The following OSBPL8 variants were observed in gnomAD, a reference collection of about 807,000 sequenced individuals.
OSBPL8 encodes oxysterol binding protein like 8.
A neutral mutation model predicts 125.5 loss-of-function variants in OSBPL8; 59 were observed. The observed-to-expected ratio is 0.47, with a 90% CI of 0.38 to 0.58. The LOEUF (loss-of-function observed/expected upper bound fraction) is 0.58, where lower values mean the gene tolerates loss of function less well. OSBPL8 is among the 20% of genes least tolerant of loss of function. OSBPL8 has a pLI of 0.00. For missense variants in OSBPL8, 758 were observed against 1,047.8 expected (o/e 0.72, Z 3.82); for synonymous variants, 330 against 338.9 (o/e 0.97, Z 0.29).
At chr12:76,532,694 C>T (rs182349711) in intron 1 of OSBPL8, among the ~76,000 whole-genome samples, 3 of 151,756 alleles carry the variant, frequency 2.0e-5, no homozygotes, top group African/African-American at 2.4e-5. Flanking sequence ...GTACTCCACG[C>T]TCTCCTAGCA....
intron 15 of OSBPL8, among the ~76,000 whole-genome samples, chr12:76,379,319 C>A (rs1323011565): frequency 6.6e-6 from 1 of 152,064 alleles, no homozygotes; most frequent in East Asian, 1.9e-4. Flanking sequence ...CGATAAAATA[C>A]TATGGTAATT....
At chr12:76,391,616 A>T (rs1953560966) in intron 10 of OSBPL8, among the ~76,000 whole-genome samples, 1 of 152,188 alleles carries the variant, frequency 6.6e-6, no homozygotes, top group South Asian at 2.1e-4. Flanking sequence ...CCAGCCAGCC[A>T]GCCCAGTGTG....
intron 1 of OSBPL8, among the ~76,000 whole-genome samples, chr12:76,518,196 T>C (rs1002916646): frequency 1.3e-5 from 2 of 152,206 alleles, no homozygotes; most frequent in Admixed American, 6.5e-5. Flanking sequence ...ACAAGATACA[T>C]TGGTGGTTCA....
intron 2 of OSBPL8, among the ~76,000 whole-genome samples, chr12:76,478,907 A>G (rs1877132455): frequency 6.6e-6 from 1 of 152,088 alleles, no homozygotes; most frequent in Non-Finnish European, 1.5e-5. Flanking sequence ...AACAGGGTGA[A>G]ACTCCGTCTC....
intron 1 of OSBPL8, among the ~76,000 whole-genome samples, chr12:76,521,489 G>A (rs1485279498): frequency 6.6e-6 from 1 of 152,096 alleles, no homozygotes; most frequent in Non-Finnish European, 1.5e-5. Context: ...GTCTTGAAGA[G>A]ACATTTGTAC....
At chr12:76,527,172 C>A (rs992844328) in intron 1 of OSBPL8, among the ~76,000 whole-genome samples, 2 of 149,506 alleles carry the variant, frequency 1.3e-5, no homozygotes, top group South Asian at 4.3e-4. Context: ...GTAAGGTATA[C>A]GGTACCACCT....
At chr12:76,423,064 C>T (rs1265821718) in intron 4 of OSBPL8, 1 of 154,122 alleles carries the variant, frequency 6.5e-6, no homozygotes, top group Non-Finnish European at 1.4e-5. Context: ...CATTATGTTT[C>T]TGTACTATCC....
intron 4 of OSBPL8, among the ~76,000 whole-genome samples, chr12:76,417,799 G>C (rs1208613854): frequency 6.6e-6 from 1 of 151,976 alleles, no homozygotes; most frequent in African/African-American, 2.4e-5. Flanking sequence ...ACATTAGTTT[G>C]TATCGGATCA....
At position 76,492,384 on chromosome 12, in the gene OSBPL8, A is replaced by G. The variant is rs140438439; in HGVS notation, c.-67-4766T>C. On this transcript the variant is annotated intron_variant, in intron 1 of 23. Coordinates refer to ENST00000261183, the MANE Select transcript of OSBPL8 (RefSeq NM_020841.5). ...GCAGAAAATGTTTCCCCACAGAGGTAAGGAAACAAAGTATAAGTAGATCAT... is the reference window on the plus strand; with the variant it reads ...GCAGAAAATGTTTCCCCACAGAGGTGAGGAAACAAAGTATAAGTAGATCAT... 2.2e-3 allele frequency among the ~76,000 whole-genome samples: 333 copies of G among 152,332 alleles called. 3 individuals carry two copies. The highest frequency in any genetic ancestry group is 7.4e-3 in the African/African-American group (308 of 41,574).
intron 1 of OSBPL8, among the ~76,000 whole-genome samples, chr12:76,530,121 A>G (rs1042535294): frequency 3.3e-5 from 5 of 151,928 alleles, no homozygotes; most frequent in African/African-American, 1.2e-4. Context: ...TGGCAAGATC[A>G]TAGTTCACTA....
At chr12:76,396,855 A>C (rs190377104) in intron 8 of OSBPL8, among the ~76,000 whole-genome samples, 1 of 152,176 alleles carries the variant, frequency 6.6e-6, no homozygotes, top group East Asian at 1.9e-4. Flanking sequence ...TCTGTTGCCC[A>C]GGCTGAAGTG....
At position 76,535,878 on chromosome 12, in the gene OSBPL8, AG is replaced by A. The variant is rs1382462955; in HGVS notation, c.-68+23518del. 5.9e-5 allele frequency among the ~76,000 whole-genome samples: 9 copies of A among 152,310 alleles called. No individual in the cohort carries two copies. In the East Asian group the frequency reaches 1.5e-3, roughly 26 times the overall value. ...GTCATTGTCTGACATAGAGTAGGAAAGGGAAAGATTAAGTTCAAAGGGCACA... is the reference window on the plus strand; with the variant it reads ...GTCATTGTCTGACATAGAGTAGGAAAGGAAAGATTAAGTTCAAAGGGCACA... On this transcript the variant is annotated intron_variant, in intron 1 of 23. Coordinates refer to ENST00000261183, the MANE Select transcript of OSBPL8 (RefSeq NM_020841.5).
chr12:76,529,771 T>C (rs908766640), intron 1 of OSBPL8, among the ~76,000 whole-genome samples: 3 of 152,186 alleles, frequency 2.0e-5, no homozygotes, highest in Non-Finnish European at 4.4e-5. Flanking sequence ...CTGGATTTTA[T>C]TCACTGTGAA....
At chr12:76,388,971 C>T (rs1385432323) in intron 12 of OSBPL8, among the ~76,000 whole-genome samples, 9 of 152,098 alleles carry the variant, frequency 5.9e-5, no homozygotes, top group Non-Finnish European at 1.3e-4. Context: ...AGCACAGTGC[C>T]TTGAAACACC....
At chr12:76,509,284 T>G (rs1880739969) in intron 1 of OSBPL8, among the ~76,000 whole-genome samples, 1 of 152,178 alleles carries the variant, frequency 6.6e-6, no homozygotes, top group Admixed American at 6.5e-5. Flanking sequence ...TATTAATAAG[T>G]ACACTCTCTG....
chr12:76,431,922 A>G (rs2140488), intron 4 of OSBPL8, among the ~76,000 whole-genome samples: 1 of 152,174 alleles, frequency 6.6e-6, no homozygotes. Context: ...ACAGCAGAAG[A>G]ATACATGTTC....
chr12:76,360,318 A>G (rs1055944560), intron 21 of OSBPL8, among the ~76,000 whole-genome samples: 1 of 152,194 alleles, frequency 6.6e-6, no homozygotes, highest in Non-Finnish European at 1.5e-5. Flanking sequence ...CTCCAAAATG[A>G]TCTCCTTTGA....
chr12:76,533,106 CAA>C (rs1459911232), intron 1 of OSBPL8, among the ~76,000 whole-genome samples: 1 of 152,022 alleles, frequency 6.6e-6, no homozygotes. Context: ...AATGAATTTA[CAA>C]AAGTAAAATC....
chr12:76,393,546 T>C (rs1019256682), intron 9 of OSBPL8, among the ~76,000 whole-genome samples: 10 of 143,500 alleles, frequency 7.0e-5, no homozygotes, highest in African/African-American at 2.1e-4. Context: ...CTGTCTCTAC[T>C]GAAAATACAC....
Sources: allele counts gnomAD v4.1 joint callset (sites outside exome capture counted in the v4.1 genomes callset), GRCh38; gene constraint gnomAD v4.1.1; transcripts MANE v1.5; gene names NCBI Gene and HGNC (gene_info 2026-07-23, HGNC 2026-07-21).